PKP3: variants seen among roughly 807,000 people sequenced by gnomAD.
The protein encoded by PKP3 is plakophilin-3.
PKP3 carries 66 observed loss-of-function variants against 76.5 expected under a neutral mutation model. The observed-to-expected ratio is 0.86, with a 90% confidence interval of 0.71 to 1.06. The LOEUF is 1.06. Ranked by LOEUF, PKP3 falls within the 50% of genes least tolerant of loss-of-function variation. PKP3 has a pLI of 0.00. For synonymous variants in PKP3, 638 were observed against 516.5 expected, an observed-to-expected ratio of 1.24 and a Z score of -3.19; for missense variants, 1,338 against 1,141.0, an observed-to-expected ratio of 1.17 and a Z score of -2.49.
At chr11:403,498 G>A in intron 9 of PKP3, 120 bp from the exon 10 acceptor site, 1 of 1,035,582 alleles carries the variant, frequency 9.7e-7, no homozygotes, top group Non-Finnish European at 1.4e-6. Context: ...GGGGGGCAAA[G>A]GCAGAAGCAG....
At chr11:399,600 G>A (rs1232032505) in intron 5 of PKP3, among the ~76,000 whole-genome samples, 1 of 124,102 alleles carries the variant, frequency 8.1e-6, no homozygotes, top group Non-Finnish European at 1.7e-5. Context: ...CCTCCGTTCT[G>A]ACCCCTCCAC....
intron 4 of PKP3, among the ~76,000 whole-genome samples, chr11:398,166 C>G (rs190311822): frequency 9.8e-4 from 81 of 82,428 alleles, no homozygotes; most frequent in African/African-American, 4.5e-3. Flanking sequence ...CCCGCACATA[C>G]CTGCGTCACC....
At position 396,673 on chromosome 11, in the gene PKP3, G is replaced by T. The variant is rs1299981255; in HGVS notation, c.298G>T (p.Gly100Trp). The T allele has an allele frequency of 6.2e-7, 1 of 1,610,972 alleles. No individual in the cohort carries two copies. The highest frequency in any genetic ancestry group is 2.2e-5 in the East Asian group (1 of 44,862). The change falls in exon 2 of 13, where the codon GGG (glycine) becomes TGG (tryptophan). Residue 100 changes from glycine to tryptophan, a missense_variant. Gly to Trp is a radical substitution (Grantham distance 184). Transcript: ENST00000331563. ...CAGCTCTCGCTCTCAGGGCCTGAGT[G>T]GGGACAAGACCTCGGTGAGCGATGG... ...GFSSRSQGLS[G>W]DKTSGFRPIA...
rs2133599721 is a variant in PKP3 at position 399,127 on chromosome 11, G to A, written c.1204G>A (p.Glu402Lys). The change falls in exon 5 of 13, where the codon GAG becomes AAG. Residue 402 changes from glutamate to lysine, a missense_variant. Coordinates refer to ENST00000331563, the MANE Select transcript of PKP3 (RefSeq NM_007183.4). ...TGACAACAAGCTGGCCCTGGTGGAG[G>A]AGAACGGGATCTTCGAGCTGCTGCG... ...NADNKLALVE[E>K]NGIFELLRTL... The A allele has an allele frequency of 6.2e-7, 1 of 1,611,988 alleles. No homozygotes were observed. The highest frequency in any genetic ancestry group is 8.5e-7 in the Non-Finnish European group (1 of 1,179,470).
rs1205187466 is a variant in PKP3 at position 400,405 on chromosome 11, T to C, written c.1520T>C (p.Val507Ala). ...RECHGLVDAL[V>A]TSINHALDAG... The stretch of plus-strand genomic sequence containing the variant: ...TGCCACGGGCTGGTGGACGCCCTGG[T>C]CACCTCTATCAACCACGCCCTGGAC... Residue 507 changes from valine (V) to alanine (A), a missense_variant, in exon 7 of 13, where the codon GTC becomes GCC. Coordinates refer to ENST00000331563, the MANE Select transcript of PKP3 (RefSeq NM_007183.4). 8 of 1,548,646 alleles carry C rather than the reference T, an allele frequency of 5.2e-6. No individual in the cohort carries two copies. Among genetic ancestry groups the C allele is most frequent in the Non-Finnish European group, 7.0e-6 (8 of 1,146,124 alleles).
Position 404,614 on chromosome 11 carries a change from G to C in PKP3, c.*45G>C, listed in dbSNP as rs1466314282. 5.6e-6 allele frequency: 9 copies of C among 1,593,076 alleles called. No individual in the cohort carries two copies. The highest frequency in any genetic ancestry group is 1.7e-5 in the Admixed American group (1 of 59,934). On this transcript the variant is annotated 3_prime_UTR_variant, in exon 13 of 13. Coordinates refer to ENST00000331563, the MANE Select transcript of PKP3 (RefSeq NM_007183.4). This position sits in a 1 kb window ranked among gnomAD's most constrained non-coding sequence, Gnocchi z 4.2. Reference sequence around the variant, plus strand: ...AAGGTGACGTGGCCCAGCGTCCAAGGGACAGACTCAGCTCCAGGCTGCTTG... The same window carrying C: ...AAGGTGACGTGGCCCAGCGTCCAAGCGACAGACTCAGCTCCAGGCTGCTTG...
intron 1 of PKP3, among the ~76,000 whole-genome samples, chr11:395,036 G>A (rs1464546958): frequency 5.3e-5 from 8 of 152,230 alleles, no homozygotes; most frequent in Non-Finnish European, 1.2e-4. Flanking sequence ...AATTAGAGGG[G>A]AGGGCCCGGC....
rs200426262 is a variant in PKP3 at position 400,154 on chromosome 11, C to T, written c.1448+13C>T. 5,216 of 1,529,262 alleles carry T rather than the reference C, an allele frequency of 3.4e-3. 34 individuals carry two copies. The highest frequency in any genetic ancestry group is 5.6e-3 in the Middle Eastern group (23 of 4,124). 94.7% of individuals were successfully genotyped at this position (1,529,262 alleles called of 1,614,324 possible). A position where few individuals can be genotyped will look rare whatever the true frequency, so the allele number is the denominator to read the frequency against. ...CCGGCTTCCTCAGGTGCGCCAGCCT[C>T]GGGCAGCGGGGTGGGGATTGCAGGC... On this transcript the variant is annotated intron_variant, in intron 6 of 12. Transcript: ENST00000331563.
Position 396,656 on chromosome 11 carries a change from G to C in PKP3, c.281G>C (p.Arg94Pro). The C allele has an allele frequency of 6.2e-7, 1 of 1,611,238 alleles. No individual in the cohort carries two copies. Among genetic ancestry groups the C allele is most frequent in the Non-Finnish European group, 8.5e-7 (1 of 1,179,310 alleles). Reference sequence around the variant, plus strand: ...ACCCTGCAGGCTGGCTTCAGCTCTCGCTCTCAGGGCCTGAGTGGGGACAAG... The same window carrying C: ...ACCCTGCAGGCTGGCTTCAGCTCTCCCTCTCAGGGCCTGAGTGGGGACAAG... ...YHTLQAGFSS[R>P]SQGLSGDKTS... The change falls in exon 2 of 13, where the codon CGC (arginine) becomes CCC (proline). Residue 94 changes from arginine to proline, a missense_variant. Transcript: ENST00000331563.
rs777532922 is a variant in PKP3, at chr11:396,710, G to A, written c.312+23G>A. On this transcript the variant is annotated intron_variant, in intron 2 of 12. Transcript: ENST00000331563. The stretch of plus-strand genomic sequence containing the variant: ...TCGGTGAGCGATGGGCCCAGCCCGA[G>A]GGGGACGATCTGAGCTCTGCAGTCT... The A allele has an allele frequency of 6.1e-5, 98 of 1,600,612 alleles. No individual in the cohort carries two copies. The East Asian group carries it at 2.0e-3, about 33-fold the overall frequency.
In PKP3 at chr11:398,025, G is replaced by C. The variant is rs1190481478; in HGVS notation, c.1068+363G>C. On this transcript the variant is annotated intron_variant, in intron 4 of 12. Transcript: ENST00000331563. ...CACCTCCATACCCCCACACACACCT[G>C]CGTCACCTCCGTACCCCCGCACACA... Among the ~76,000 whole-genome samples, 17 of 65,438 alleles carry C rather than the reference G, an allele frequency of 2.6e-4. 1 individual carries two copies. Among genetic ancestry groups the C allele is most frequent in the Admixed American group, 4.3e-4 (2 of 4,674 alleles). 42.9% of individuals were successfully genotyped at this position (65,438 alleles called of 152,430 possible).
rs767556408 is a variant in PKP3 at position 397,128 on chromosome 11, C to G, written c.627C>G (p.Thr209=). 2 of 1,598,098 alleles carry G rather than the reference C, an allele frequency of 1.3e-6. No homozygotes were observed. The highest frequency in any genetic ancestry group is 2.2e-5 in the East Asian group (1 of 44,866). The change falls in exon 3 of 13, where the codon ACC becomes ACG. Residue 209 remains threonine, a synonymous_variant. Transcript: ENST00000331563. ...AGCTGGAGCCCGCGGCCACCTCCAC[C>G]TACAGGGCCTTTGCGTACGAGCGCC... ...SEQLEPAATS[T]YRAFAYERQA...
intron 1 of PKP3, chr11:396,360 G>A (rs1847044513): frequency 6.3e-6 from 3 of 473,660 alleles, no homozygotes; most frequent in Non-Finnish European, 1.1e-5. Flanking sequence ...GAGCGTATCT[G>A]CCCTCTCGGG....
At chr11:400,729 G>C (rs933897263) in intron 8 of PKP3, 24 bp downstream of exon 8, 7 of 1,196,960 alleles carry the variant, frequency 5.8e-6, no homozygotes, top group East Asian at 7.0e-5. Context: ...TGAGCGGGGC[G>C]TGGGGTGGGT....
chr11:403,387 G>T, intron 9 of PKP3, 124 bp downstream of exon 9: 1 of 918,820 alleles, frequency 1.1e-6, no homozygotes, highest in Non-Finnish European at 1.6e-6. Context: ...TCGGAGGTCA[G>T]CGTCCCGGTG....
Position 404,696 on chromosome 11 carries a change from G to C in PKP3, c.*127G>C. On this transcript the variant is annotated 3_prime_UTR_variant, in exon 13 of 13. Transcript: ENST00000331563. This position sits in a 1 kb window ranked among gnomAD's most constrained non-coding sequence, Gnocchi z 4.2. Reference sequence around the variant, plus strand: ...GGAGGGGCCCCTCGCTGGGGCCCCTGTGTGCATCTTTGAGGGTCCTGGGCC... The same window carrying C: ...GGAGGGGCCCCTCGCTGGGGCCCCTCTGTGCATCTTTGAGGGTCCTGGGCC... 4 of 839,648 alleles carry C rather than the reference G, an allele frequency of 4.8e-6. No individual in the cohort carries two copies. Among genetic ancestry groups the C allele is most frequent in the Non-Finnish European group, 7.7e-6 (4 of 519,158 alleles). 52.0% of individuals were successfully genotyped at this position (839,648 alleles called of 1,614,324 possible). A position where few individuals can be genotyped will look rare whatever the true frequency, so the allele number is the denominator to read the frequency against.
chr11:400,056 C>T lies in PKP3; in HGVS notation c.1363C>T (p.Pro455Ser). ...LEQLTDLVLS[P>S]LSGAGGPPLI... ...GCAGCTCACAGACCTGGTGTTGAGC[C>T]CCCTGTCGGGGGCTGGGGGTCCCCC... The change falls in exon 6 of 13, where the codon CCC (proline) becomes TCC (serine). Residue 455 changes from proline to serine, a missense_variant. Physicochemically the swap from Pro to Ser is moderately conservative, Grantham distance 74. Transcript: ENST00000331563. The T allele has an allele frequency of 1.9e-6, 3 of 1,605,968 alleles. No homozygotes were observed. The highest frequency in any genetic ancestry group is 2.5e-6 in the Non-Finnish European group (3 of 1,177,882).
rs759611742 is a variant in PKP3, at chr11:400,162, G to A, written c.1448+21G>A. The A allele has an allele frequency of 2.0e-6, 3 of 1,521,718 alleles. No individual in the cohort carries two copies. The South Asian group carries it at 3.8e-5, about 19-fold the overall frequency. The allele number at this position is 1,521,718 out of a possible 1,614,324, so 94.3% of individuals were successfully genotyped here. A position where few individuals can be genotyped will look rare whatever the true frequency, so the allele number is the denominator to read the frequency against. On this transcript the variant is annotated intron_variant, in intron 6 of 12. Transcript: ENST00000331563. The stretch of plus-strand genomic sequence containing the variant: ...CTCAGGTGCGCCAGCCTCGGGCAGC[G>A]GGGTGGGGATTGCAGGCGCGGGTCA...
chr11:396,863 C>G lies in PKP3; in HGVS notation c.362C>G (p.Ser121Cys). Reference sequence around the variant, plus strand: ...GCCTACAGCCCAGCCTCCTGGTCCTCCCGCTCCGCCGTGGATCTGAGCTGC... The same window carrying G: ...GCCTACAGCCCAGCCTCCTGGTCCTGCCGCTCCGCCGTGGATCTGAGCTGC... ...KPAYSPASWS[S>C]RSAVDLSCSR... is the part of the protein sequence containing the mutation. Residue 121 changes from serine to cysteine, a missense_variant, in exon 3 of 13, where the codon TCC becomes TGC. Transcript: ENST00000331563. 1.9e-6 allele frequency: 3 copies of G among 1,600,030 alleles called. No individual in the cohort carries two copies. Among genetic ancestry groups the G allele is most frequent in the Non-Finnish European group, 2.5e-6 (3 of 1,176,590 alleles).
Sources: allele counts gnomAD v4.1 joint callset (sites outside exome capture counted in the v4.1 genomes callset), GRCh38; gene constraint gnomAD v4.1.1; non-coding constraint Gnocchi (gnomAD v3.1); transcripts MANE v1.5; gene names NCBI Gene and HGNC (gene_info 2026-07-23, HGNC 2026-07-21).